The following KIAA1217 variants were observed in gnomAD, a reference collection of about 807,000 sequenced individuals.
KIAA1217 encodes the protein sickle tail protein homolog.
A neutral mutation model predicts 163.9 loss-of-function variants in KIAA1217; 88 were observed. That is an observed-to-expected ratio of 0.54 (90% CI 0.45 to 0.64). The LOEUF (loss-of-function observed/expected upper bound fraction) is 0.64. KIAA1217 is among the 30% of genes least tolerant of loss of function. The pLI is 0.00. For missense variants in KIAA1217, 2,372 were observed against 2,475.0 expected, an observed-to-expected ratio of 0.96 and a Z score of 0.88; for synonymous variants, 903 against 923.1, an observed-to-expected ratio of 0.98 and a Z score of 0.39.
chr10:23,714,722 C>T (rs536323405), intron 1 of KIAA1217, among the ~76,000 whole-genome samples: 113 of 152,074 alleles, frequency 7.4e-4, no homozygotes, highest in African/African-American at 2.6e-3. Context: ...GCCATATTTG[C>T]GAAGGGAACC....
intron 1 of KIAA1217, among the ~76,000 whole-genome samples, chr10:23,930,110 G>T (rs146017235): frequency 0.012 from 1,822 of 151,620 alleles, 28 homozygotes; most frequent in African/African-American, 0.042. Context: ...TCTCATTGTG[G>T]TTTTAATTTG....
intron 5 of KIAA1217, among the ~76,000 whole-genome samples, chr10:24,445,896 A>G (rs985513837): frequency 1.5e-4 from 23 of 152,296 alleles, no homozygotes; most frequent in African/African-American, 5.5e-4. Context: ...GTATATACCC[A>G]GTAATGGGAT....
chr10:24,162,150 G>T (rs933626556), intron 2 of KIAA1217, among the ~76,000 whole-genome samples: 3 of 152,170 alleles, frequency 2.0e-5, no homozygotes, highest in African/African-American at 4.8e-5. Context: ...GGGTTCAAAG[G>T]TACTTTCAAA....
chr10:23,939,223 A>G (rs1843655796), intron 1 of KIAA1217, among the ~76,000 whole-genome samples: 1 of 152,222 alleles, frequency 6.6e-6, no homozygotes, highest in African/African-American at 2.4e-5. Context: ...AAAAAATAGC[A>G]AGAGGATAGA....
intron 1 of KIAA1217, among the ~76,000 whole-genome samples, chr10:23,849,945 T>C (rs1839227999): frequency 6.6e-6 from 1 of 152,144 alleles, no homozygotes; most frequent in Non-Finnish European, 1.5e-5. Context: ...CAATCTTGCT[T>C]ACTTTCTAAC....
chr10:23,804,423 G>A (rs1046980877), intron 1 of KIAA1217, among the ~76,000 whole-genome samples: 5 of 152,132 alleles, frequency 3.3e-5, no homozygotes, highest in African/African-American at 4.8e-5. Flanking sequence ...GTATGAGTAC[G>A]GTCTAGGAGC....
At chr10:24,033,251 C>T (rs1366690113) in intron 2 of KIAA1217, among the ~76,000 whole-genome samples, 2 of 152,164 alleles carry the variant, frequency 1.3e-5, no homozygotes, top group Non-Finnish European at 2.9e-5. Context: ...AGAAATCTTT[C>T]TGTAGCATTT....
chr10:24,349,728 T>C (rs2048223801), intron 2 of KIAA1217, among the ~76,000 whole-genome samples: 3 of 152,236 alleles, frequency 2.0e-5, no homozygotes, highest in Admixed American at 2.0e-4. Flanking sequence ...CTGGATGCAT[T>C]GAACATCTTT....
Position 23,958,058 on chromosome 10 carries a change from C to T in KIAA1217, c.-320-49167C>T, listed in dbSNP as rs12249387. On this transcript the variant is annotated intron_variant, in intron 1 of 18. Transcript: ENST00000376462. ...ACATGAAGAAGCAGAAAAAGTAATA[C>T]TTTGGGAGTATACTTAAGAGAGCCA... is the stretch of plus-strand genomic sequence containing the variant. Among the ~76,000 whole-genome samples the T allele has an allele frequency of 6.9e-3, 1,045 of 152,204 alleles. 11 individuals carry two copies. The highest frequency in any genetic ancestry group is 0.024 in the African/African-American group (1,007 of 41,524).
At chr10:23,714,436 T>G (rs1837447353) in intron 1 of KIAA1217, among the ~76,000 whole-genome samples, 1 of 152,088 alleles carries the variant, frequency 6.6e-6, no homozygotes, top group African/African-American at 2.4e-5. Context: ...AGAGGGTAGC[T>G]TCCATCATAT....
rs78335855 is a variant in KIAA1217, at chr10:24,054,262, T to G, written c.-171+46888T>G. On this transcript the variant is annotated intron_variant, in intron 2 of 18. Coordinates refer to the KIAA1217 transcript ENST00000376462. Reference sequence around the variant, plus strand: ...ACAGCTATAAGCATTCAAGAGGAGATGCCAGATAGGAAGTTGAATACGTGG... The same window carrying G: ...ACAGCTATAAGCATTCAAGAGGAGAGGCCAGATAGGAAGTTGAATACGTGG... Among the ~76,000 whole-genome samples the G allele has an allele frequency of 0.011, 1,608 of 152,256 alleles. 142 individuals carry two copies. The East Asian group carries it at 0.22, about 21-fold the overall frequency.
At chr10:24,361,784 G>A (rs170203) in intron 2 of KIAA1217, among the ~76,000 whole-genome samples, 38,615 of 151,740 alleles carry the variant, frequency 0.25, 5,162 homozygotes, top group South Asian at 0.36. Context: ...GACCATCCGG[G>A]CTAACATGGT....
intron 3 of KIAA1217, among the ~76,000 whole-genome samples, chr10:24,387,686 G>A (rs1379221136): frequency 6.6e-6 from 1 of 152,172 alleles, no homozygotes; most frequent in Non-Finnish European, 1.5e-5. Context: ...TCCTTAAGCT[G>A]ATAAGCAACT....
intron 1 of KIAA1217, among the ~76,000 whole-genome samples, chr10:23,814,141 C>T (rs1348453951): frequency 1.3e-5 from 2 of 152,120 alleles, no homozygotes; most frequent in African/African-American, 4.8e-5. Flanking sequence ...AGAGAGATGG[C>T]TTCTGAGCTG....
chr10:24,190,044 G>T (rs1281978085), intron 2 of KIAA1217, among the ~76,000 whole-genome samples: 2 of 148,654 alleles, frequency 1.3e-5, no homozygotes, highest in African/African-American at 5.0e-5. Context: ...AAAAAAAAAA[G>T]TATGATTGGA....
At chr10:23,838,379 T>C (rs1326003494) in intron 1 of KIAA1217, among the ~76,000 whole-genome samples, 1 of 152,178 alleles carries the variant, frequency 6.6e-6, no homozygotes, top group African/African-American at 2.4e-5. Flanking sequence ...GAGTTTAAAA[T>C]TTTAAATCAA....
chr10:24,000,728 G>A (rs1846702121), intron 1 of KIAA1217, among the ~76,000 whole-genome samples: 1 of 152,232 alleles, frequency 6.6e-6, no homozygotes, highest in Non-Finnish European at 1.5e-5. Context: ...TGATGAGCAT[G>A]AGAAAACACT....
chr10:24,090,513 A>G (rs1320046209), intron 2 of KIAA1217, among the ~76,000 whole-genome samples: 1 of 151,172 alleles, frequency 6.6e-6, no homozygotes, highest in Admixed American at 6.6e-5. Flanking sequence ...AAACAGAGCT[A>G]ATCTTTCCTT....
At chr10:24,045,671 A>C (rs1312881679) in intron 2 of KIAA1217, among the ~76,000 whole-genome samples, 2 of 152,206 alleles carry the variant, frequency 1.3e-5, no homozygotes, top group Non-Finnish European at 2.9e-5. Flanking sequence ...GGACCAAAAC[A>C]CATGGCATTA....
Sources: allele counts gnomAD v4.1 joint callset (sites outside exome capture counted in the v4.1 genomes callset), GRCh38; gene constraint gnomAD v4.1.1; transcripts MANE v1.5; gene names NCBI Gene and HGNC (gene_info 2026-07-23, HGNC 2026-07-21).